Variants in MAL observed in about 807,000 individuals in gnomAD.
The protein encoded by MAL is mal, T cell differentiation protein (MAL blood group), also known as myelin and lymphocyte protein.
Under a neutral mutation model 16.7 loss-of-function variants are expected in MAL, and 5 were observed. The observed-to-expected ratio is 0.30, with a 90% CI of 0.16 to 0.63. MAL has a LOEUF of 0.63. Among genes scored for constraint, MAL ranks in the 30% least tolerant of loss-of-function variants. The pLI, the probability that MAL is intolerant of heterozygous loss-of-function variation, is 0.82. For missense variants in MAL, 202 were observed against 195.8 expected (o/e 1.03, Z -0.19); for synonymous variants, 96 against 85.5 (o/e 1.12, Z -0.67).
intron 1 of MAL, among the ~76,000 whole-genome samples, chr2:95,041,329 T>G (rs1365000892): frequency 6.6e-6 from 1 of 152,228 alleles, no homozygotes; most frequent in Non-Finnish European, 1.5e-5. Flanking sequence ...AGGCACATTT[T>G]TCTCAACTTT....
At position 95,025,725 on chromosome 2, in the gene MAL, C is replaced by A. The variant is rs2104319760; in HGVS notation, c.-68C>A. 1 of 1,117,066 alleles carries A rather than the reference C, an allele frequency of 9.0e-7. No homozygotes were observed. Among genetic ancestry groups the A allele is most frequent in the Non-Finnish European group, 1.2e-6 (1 of 820,928 alleles). The allele number at this position is 1,117,066 out of a possible 1,614,324, so 69.2% of individuals were successfully genotyped here. Reference sequence around the variant, plus strand: ...CCCAGGCCACTGGGCTCCGCGGAGCCAGCGAGAGGTCTGCGCGGAGTCTGA... The same window carrying A: ...CCCAGGCCACTGGGCTCCGCGGAGCAAGCGAGAGGTCTGCGCGGAGTCTGA... On this transcript the variant is annotated 5_prime_UTR_variant, in exon 1 of 4. Coordinates refer to ENST00000309988, the MANE Select transcript of MAL (RefSeq NM_002371.4). The surrounding 1 kb of genome is among the most constrained non-coding windows in gnomAD (Gnocchi z 5.6).
chr2:95,038,480 CTGAGTGAG>C (rs1306755867), intron 1 of MAL, among the ~76,000 whole-genome samples: 3 of 67,870 alleles, frequency 4.4e-5, no homozygotes, highest in African/African-American at 1.8e-4. Context: ...GAGTGAGTGA[CTGAGTGAG>C]TGAGTGAGTG....
At chr2:95,038,212 CTCAG>C (rs1674301112) in intron 1 of MAL, among the ~76,000 whole-genome samples, 2 of 75,142 alleles carry the variant, frequency 2.7e-5, no homozygotes, top group South Asian at 4.7e-4. Flanking sequence ...GAGTGAGTGA[CTCAG>C]TGAGTGAGTG....
At chr2:95,027,879 G>A (rs1236948886) in intron 1 of MAL, among the ~76,000 whole-genome samples, 2 of 151,944 alleles carry the variant, frequency 1.3e-5, no homozygotes, top group Non-Finnish European at 2.9e-5. Flanking sequence ...ATTACAACTC[G>A]ACAACAAAAA....
chr2:95,034,379 T>A (rs552441271), intron 1 of MAL, among the ~76,000 whole-genome samples: 3 of 152,310 alleles, frequency 2.0e-5, no homozygotes, highest in East Asian at 3.9e-4. Context: ...GGCTGCTTTC[T>A]AAGCCTCTCT....
At chr2:95,043,940 G>A (rs1674526905) in intron 1 of MAL, among the ~76,000 whole-genome samples, 2 of 152,202 alleles carry the variant, frequency 1.3e-5, no homozygotes, top group Admixed American at 1.3e-4. Flanking sequence ...ATGTTTCTGG[G>A]ACAGGCAAGG....
At chr2:95,038,500 CTGAG>C (rs1358269440) in intron 1 of MAL, among the ~76,000 whole-genome samples, 9 of 54,508 alleles carry the variant, frequency 1.7e-4, no homozygotes, top group South Asian at 6.6e-4. Context: ...GAGTGAGTGA[CTGAG>C]TGAGTGAGTG....
At position 95,053,595 on chromosome 2, in the gene MAL, A is replaced by T. The variant is rs75051637; in HGVS notation, c.*140A>T. ...CACCCCCCCACTGCCCAAAAAAAAA[A>T]GCCCTGCCCTGTTGCTCGTGGGTGC... On this transcript the variant is annotated 3_prime_UTR_variant, in exon 4 of 4. Transcript: ENST00000309988. 3.0e-6 allele frequency: 2 copies of T among 670,056 alleles called. No individual in the cohort carries two copies. Among genetic ancestry groups the T allele is most frequent in the East Asian group, 5.3e-5 (2 of 37,538 alleles). The allele number at this position is 670,056 out of a possible 1,614,324, so 41.5% of individuals were successfully genotyped here.
At chr2:95,028,012 GA>G (rs1338024786) in intron 1 of MAL, among the ~76,000 whole-genome samples, 4 of 152,090 alleles carry the variant, frequency 2.6e-5, no homozygotes, top group Non-Finnish European at 4.4e-5. Context: ...AAACTAAATT[GA>G]AACCACAATG....
intron 1 of MAL, among the ~76,000 whole-genome samples, chr2:95,037,313 T>C (rs1427346869): frequency 7.1e-6 from 1 of 141,614 alleles, no homozygotes; most frequent in Non-Finnish European, 1.5e-5. Context: ...GGTGAGTGAA[T>C]GAGTGAGTGA....
chr2:95,053,395 A>G lies in MAL; in HGVS notation c.402A>G (p.Ile134Met). 3.7e-6 allele frequency: 6 copies of G among 1,612,978 alleles called. No homozygotes were observed. Among genetic ancestry groups the G allele is most frequent in the Non-Finnish European group, 4.2e-6 (5 of 1,179,104 alleles). ...CTTGGTTCCAGGTGTTCTCCTACAT[A>G]GCCACTCTGCTCTACGTGGTCCATG... ...ENIAAVVFSY[I>M]ATLLYVVHAV... Residue 134 changes from isoleucine to methionine, a missense_variant, in exon 4 of 4, where the codon ATA becomes ATG. Physicochemically the swap from Ile to Met is conservative, Grantham distance 10 (BLOSUM62 1). Transcript: ENST00000309988.
At chr2:95,033,088 G>A (rs1329718714) in intron 1 of MAL, among the ~76,000 whole-genome samples, 1 of 152,192 alleles carries the variant, frequency 6.6e-6, no homozygotes. Context: ...TGGGAGGGGA[G>A]GGGCTGGAAG....
chr2:95,051,039 G>A (rs1418828190), intron 3 of MAL, among the ~76,000 whole-genome samples: 3 of 152,186 alleles, frequency 2.0e-5, no homozygotes, highest in East Asian at 1.9e-4. Context: ...AAATTGTTGT[G>A]AACAAAGGTT....
chr2:95,035,259 A>G (rs1674177371), intron 1 of MAL, among the ~76,000 whole-genome samples: 1 of 152,142 alleles, frequency 6.6e-6, no homozygotes, highest in Admixed American at 6.5e-5. Context: ...CTTGCATTTA[A>G]GCCACTCCTG....
At chr2:95,032,819 C>T (rs1444042454) in intron 1 of MAL, among the ~76,000 whole-genome samples, 1 of 152,246 alleles carries the variant, frequency 6.6e-6, no homozygotes, top group Non-Finnish European at 1.5e-5. Flanking sequence ...CCACACTCTG[C>T]TTCTCTGCAG....
At chr2:95,048,233 A>T in intron 2 of MAL, 107 bp downstream of exon 2, 1 of 1,156,928 alleles carries the variant, frequency 8.6e-7, no homozygotes, top group South Asian at 1.4e-5. Flanking sequence ...TTCTCCGTAG[A>T]TGTCACCCCA....
chr2:95,053,286 G>C (rs890428482), intron 3 of MAL, 95 bp from the exon 4 acceptor site: 13 of 846,090 alleles, frequency 1.5e-5, no homozygotes, highest in South Asian at 4.1e-5. Context: ...TCTGGGTCTG[G>C]CCCCCCCTAC....
In MAL at chr2:95,053,374, G is replaced by A; in HGVS notation, c.388-7G>A. ...AACCCATTAACGGCCATTTCTCTTG[G>A]TTCCAGGTGTTCTCCTACATAGCCA... On this transcript the variant is annotated splice_polypyrimidine_tract_variant and splice_region_variant and intron_variant, in intron 3 of 3. Transcript: ENST00000309988. 6.2e-7 allele frequency: 1 copy of A among 1,605,968 alleles called. No homozygotes were observed.
chr2:95,038,455 AGTGACTGAGTGG>A (rs1332897275), intron 1 of MAL, among the ~76,000 whole-genome samples: 2 of 151,222 alleles, frequency 1.3e-5, no homozygotes, highest in Non-Finnish European at 1.5e-5. Context: ...TGACTGAGTG[AGTGACTGAGTGG>A]GTGAGTGAGT....
Sources: gnomAD v4.1 joint callset for allele counts (sites outside exome capture counted in the v4.1 genomes callset) on GRCh38, gnomAD v4.1.1 for gene constraint, Gnocchi (gnomAD v3.1) non-coding constraint, MANE v1.5 for transcripts, NCBI Gene and HGNC (gene_info 2026-07-23, HGNC 2026-07-21) for gene names.